HUS1: variants seen among roughly 807,000 people sequenced by gnomAD.
HUS1 encodes the protein HUS1 checkpoint clamp component, also known as checkpoint protein HUS1.
Under a neutral mutation model 32.6 loss-of-function variants are expected in HUS1, and 31 were observed. That is an observed-to-expected ratio of 0.95 (90% CI 0.72 to 1.28). The LOEUF (loss-of-function observed/expected upper bound fraction) is 1.28. HUS1 is among the 50% of genes most tolerant of loss of function. The pLI is 0.00. For missense variants in HUS1, 340 were observed against 337.7 expected (o/e 1.01, Z -0.05); for synonymous variants, 123 against 116.6 (o/e 1.06, Z -0.36).
chr7:47,971,491 A>T lies in HUS1; in HGVS notation c.541-2173T>A, dbSNP rs1193598281. 6.6e-6 allele frequency: 3 copies of T among 456,672 alleles called. No individual in the cohort carries two copies. In the East Asian group the frequency reaches 2.1e-4, roughly 32 times the overall value. The allele number at this position is 456,672 out of a possible 1,614,324, so 28.3% of individuals were successfully genotyped here. ...AGCTCCTCTACCCACCCCAACAACC[A>T]ATCAGTTCTTTTAATTGGATGGAAC... On this transcript the variant is annotated intron_variant, in intron 5 of 7. Coordinates refer to ENST00000258774, the MANE Select transcript of HUS1 (RefSeq NM_004507.4).
chr7:47,965,459 A>G (rs1788458319), intron 7 of HUS1, 21 bp from the exon 8 acceptor site: 1 of 1,556,430 alleles, frequency 6.4e-7, no homozygotes, highest in South Asian at 1.1e-5. Context: ...AAAAGCCATG[A>G]TTTTAGAGAC....
intron 4 of HUS1, 99 bp from the exon 5 acceptor site, chr7:47,975,786 C>T: frequency 1.6e-6 from 1 of 644,240 alleles, no homozygotes. Flanking sequence ...CATGCATGCT[C>T]AAAAACTATG....
In HUS1 at chr7:47,969,252, T is replaced by C; in HGVS notation, c.607A>G (p.Thr203Ala). The C allele has an allele frequency of 1.3e-6, 2 of 1,587,184 alleles. No individual in the cohort carries two copies. The highest frequency in any genetic ancestry group is 1.7e-6 in the Non-Finnish European group (2 of 1,160,992). ...KIETELVCVT[T>A]HFKDLGNPPL... ...GGATTTCCAAGATCTTTAAAATGAG[T>C]TGTAACACATACTAATTCAGTTTCT... is the stretch of plus-strand genomic sequence containing the variant. Residue 203 changes from threonine (T) to alanine (A), a missense_variant, in exon 6 of 8, where the codon ACT becomes GCT. Transcript: ENST00000258774.
chr7:47,969,170 G>T, intron 6 of HUS1, 49 bp downstream of exon 6: 5 of 911,304 alleles, frequency 5.5e-6, no homozygotes, highest in Non-Finnish European at 8.7e-6. Flanking sequence ...TAGGTTATCT[G>T]AAACAATTAA....
intron 5 of HUS1, among the ~76,000 whole-genome samples, chr7:47,972,552 T>G (rs955115663): frequency 6.6e-6 from 1 of 152,236 alleles, no homozygotes; most frequent in Admixed American, 6.5e-5. Flanking sequence ...CTTGATTTCT[T>G]AAGTATCAGG....
chr7:47,979,388 G>A (rs1218916879), intron 1 of HUS1, 80 bp downstream of exon 1: 3 of 1,531,758 alleles, frequency 2.0e-6, no homozygotes, highest in South Asian at 1.1e-5. Flanking sequence ...TCCCCGTTCT[G>A]ATCCTCCTGC....
chr7:47,968,627 G>A (rs770542335), intron 6 of HUS1, among the ~76,000 whole-genome samples: 1 of 152,174 alleles, frequency 6.6e-6, no homozygotes, highest in Non-Finnish European at 1.5e-5. Context: ...TTCCTGCTCA[G>A]GCAGCCCCTG....
intron 5 of HUS1, among the ~76,000 whole-genome samples, chr7:47,971,669 A>T (rs1264072183): frequency 2.0e-5 from 3 of 152,172 alleles, no homozygotes; most frequent in African/African-American, 4.8e-5. Context: ...AAAGCCTAGG[A>T]GGTCTCTGGA....
At chr7:47,973,350 C>T (rs111774281) in intron 5 of HUS1, among the ~76,000 whole-genome samples, 34 of 152,366 alleles carry the variant, frequency 2.2e-4, no homozygotes, top group African/African-American at 7.9e-4. Flanking sequence ...GAGCCTCAGG[C>T]TCCAGCTCAG....
At chr7:47,976,986 T>A (rs1374334979) in intron 3 of HUS1, 149 bp from the exon 4 acceptor site, 1 of 590,802 alleles carries the variant, frequency 1.7e-6, no homozygotes, top group African/African-American at 1.9e-5. Flanking sequence ...TCGACCAATA[T>A]TGATGGTGCC....
Position 47,979,609 on chromosome 7 carries a change from G to T in HUS1, c.-90C>A. 1 of 1,052,536 alleles carries T rather than the reference G, an allele frequency of 9.5e-7. No individual in the cohort carries two copies. Among genetic ancestry groups the T allele is most frequent in the Non-Finnish European group, 1.5e-6 (1 of 681,398 alleles). 65.2% of individuals were successfully genotyped at this position (1,052,536 alleles called of 1,614,324 possible). A position where few individuals can be genotyped will look rare whatever the true frequency, so the allele number is the denominator to read the frequency against. ...TCCCCGCCCGGAAACACGGCAGCGC[G>T]AACAGTGGTTCCGCCCGGCTCGGGC... On this transcript the variant is annotated 5_prime_UTR_variant, in exon 1 of 8. Coordinates refer to ENST00000258774, the MANE Select transcript of HUS1 (RefSeq NM_004507.4).
intron 4 of HUS1, among the ~76,000 whole-genome samples, 174 bp from the exon 5 acceptor site, chr7:47,975,861 T>C (rs978561169): frequency 1.3e-5 from 2 of 152,218 alleles, no homozygotes; most frequent in Admixed American, 6.5e-5. Context: ...ACCAATTCTA[T>C]TTCACTAACT....
chr7:47,969,306 T>C lies in HUS1; in HGVS notation c.553A>G (p.Asn185Asp). 1 of 1,577,524 alleles carries C rather than the reference T, an allele frequency of 6.3e-7. No homozygotes were observed. Among genetic ancestry groups the C allele is most frequent in the Non-Finnish European group, 8.7e-7 (1 of 1,151,280 alleles). ...TTCAAATTCAATTCTCCATCTAGGT[T>C]TGCTTCAATAACCTGCAAATTGAGT... ...NISNHLVIEANLDGELNLKIE... is the reference protein window; with the variant it reads ...NISNHLVIEADLDGELNLKIE... The change falls in exon 6 of 8, where the codon AAC (asparagine) becomes GAC (aspartate). Residue 185 changes from asparagine (N) to aspartate (D), a missense_variant. Asn to Asp is a conservative substitution (Grantham distance 23). Coordinates refer to ENST00000258774, the MANE Select transcript of HUS1 (RefSeq NM_004507.4).
rs148644124 is a variant in HUS1, at chr7:47,975,036, G to A, written c.540+577C>T. Reference sequence around the variant, plus strand: ...AGGTAAAAGATACAATGTTCCAGCCGGGCGCGGTGGCTCACGCCTGTAATC... The same window carrying A: ...AGGTAAAAGATACAATGTTCCAGCCAGGCGCGGTGGCTCACGCCTGTAATC... On this transcript the variant is annotated intron_variant, in intron 5 of 7. Coordinates refer to ENST00000258774, the MANE Select transcript of HUS1 (RefSeq NM_004507.4). Among the ~76,000 whole-genome samples the A allele has an allele frequency of 1.4e-3, 219 of 152,232 alleles. 2 individuals carry two copies. Among genetic ancestry groups the A allele is most frequent in the African/African-American group, 3.6e-3 (148 of 41,544 alleles).
At chr7:47,967,049 C>G (rs1788494167) in intron 7 of HUS1, among the ~76,000 whole-genome samples, 1 of 152,174 alleles carries the variant, frequency 6.6e-6, no homozygotes, top group East Asian at 1.9e-4. Context: ...TGTTCCTTCT[C>G]TACAGCACAC....
intron 2 of HUS1, 31 bp from the exon 3 acceptor site, chr7:47,978,624 G>A: frequency 6.2e-7 from 1 of 1,612,844 alleles, no homozygotes; most frequent in Admixed American, 1.7e-5. Context: ...GATGAGGGAG[G>A]GTATATGTGA....
chr7:47,975,797 G>C, intron 4 of HUS1, 110 bp from the exon 5 acceptor site: 1 of 603,876 alleles, frequency 1.7e-6, no homozygotes, highest in Non-Finnish European at 2.9e-6. Flanking sequence ...AAAAACTATG[G>C]GATACTATTT....
intron 5 of HUS1, among the ~76,000 whole-genome samples, chr7:47,970,232 CAA>C (rs777331089): frequency 0.068 from 3,239 of 47,478 alleles, 68 homozygotes; most frequent in African/African-American, 0.23. Context: ...GACTCTGTCT[CAA>C]AAAAAAAAAA....
At chr7:47,977,306 G>A (rs1012115278) in intron 3 of HUS1, among the ~76,000 whole-genome samples, 1 of 152,130 alleles carries the variant, frequency 6.6e-6, no homozygotes, top group African/African-American at 2.4e-5. Context: ...AAGCCGTGAG[G>A]CAGAAAGAAG....
Sources: allele counts gnomAD v4.1 joint callset (sites outside exome capture counted in the v4.1 genomes callset), GRCh38; gene constraint gnomAD v4.1.1; transcripts MANE v1.5; gene names NCBI Gene and HGNC (gene_info 2026-07-23, HGNC 2026-07-21).